Variants in MCPH1 observed in about 807,000 individuals in gnomAD.
MCPH1 encodes microcephalin.
MCPH1 carries 104 observed loss-of-function variants against 84.5 expected under a neutral mutation model. The ratio of observed to expected loss-of-function variants is 1.23; its 90% CI spans 1.05 to 1.45. The LOEUF (loss-of-function observed/expected upper bound fraction) is 1.45, where lower values mean the gene tolerates loss of function less well. MCPH1 is among the 40% of genes most tolerant of loss of function. The probability of loss-of-function intolerance (pLI) is 0.00; values close to 1 mark genes in which losing one functional copy is unlikely to be tolerated. For missense variants in MCPH1, 1,498 were observed against 1,005.7 expected, an observed-to-expected ratio of 1.49 and a Z score of -6.62; for synonymous variants, 514 against 366.8, an observed-to-expected ratio of 1.40 and a Z score of -4.58.
intron 11 of MCPH1, among the ~76,000 whole-genome samples, chr8:6,482,208 G>T (rs959550818): frequency 4.6e-5 from 7 of 152,202 alleles, no homozygotes; most frequent in African/African-American, 1.7e-4. Context: ...GAGCTCCAAG[G>T]TGCTTTCTTT....
At chr8:6,550,164 T>C (rs968200233) in intron 12 of MCPH1, among the ~76,000 whole-genome samples, 1 of 152,232 alleles carries the variant, frequency 6.6e-6, no homozygotes, top group African/African-American at 2.4e-5. Flanking sequence ...CCGCACAACC[T>C]GGAAACCCTC....
chr8:6,490,928 T>C (rs1586080812), intron 11 of MCPH1, among the ~76,000 whole-genome samples: 1 of 125,790 alleles, frequency 7.9e-6, no homozygotes. Flanking sequence ...TTAACAAGCA[T>C]TGTATATATT....
At chr8:6,436,721 G>C (rs1802691331) in intron 5 of MCPH1, among the ~76,000 whole-genome samples, 1 of 151,764 alleles carries the variant, frequency 6.6e-6, no homozygotes, top group Admixed American at 6.6e-5. Context: ...TGTAATCCCA[G>C]CACTTTGGGA....
intron 3 of MCPH1, among the ~76,000 whole-genome samples, chr8:6,427,294 C>T (rs553215758): frequency 1.1e-4 from 17 of 152,294 alleles, no homozygotes; most frequent in Admixed American, 8.5e-4. Flanking sequence ...TACTACTATA[C>T]AGTACTATGG....
chr8:6,537,545 C>CATAT (rs35477464), intron 12 of MCPH1, among the ~76,000 whole-genome samples: 3,027 of 149,000 alleles, frequency 0.02, 43 homozygotes, highest in South Asian at 0.035. Context: ...TTTAATGCAA[C>CATAT]ATATATATAT....
intron 12 of MCPH1, among the ~76,000 whole-genome samples, chr8:6,602,576 C>T (rs991452232): frequency 6.6e-6 from 1 of 152,060 alleles, no homozygotes. Flanking sequence ...TTCCCCAAAG[C>T]GGGGAAGGCT....
rs570602551 is a variant in MCPH1, at chr8:6,521,779, G to A, written c.2214+21850G>A. Among the ~76,000 whole-genome samples the A allele has an allele frequency of 2.0e-5, 3 of 152,280 alleles. No individual in the cohort carries two copies. In the South Asian group the frequency reaches 6.2e-4, roughly 32 times the overall value. ...TGCTCATGAAGTGCTTTTTTGAGAA[G>A]GGAGAGTTTCAACTGGGCTGGACCC... On this transcript the variant is annotated intron_variant, in intron 12 of 13. Transcript: ENST00000344683.
At chr8:6,504,317 CAA>C (rs35379672) in intron 12 of MCPH1, among the ~76,000 whole-genome samples, 9 of 85,898 alleles carry the variant, frequency 1.0e-4, no homozygotes, top group East Asian at 3.1e-4. Context: ...GACTCCAGCT[CAA>C]AAAAAAAAAA....
At chr8:6,598,521 A>G (rs1829099671) in intron 12 of MCPH1, among the ~76,000 whole-genome samples, 1 of 152,196 alleles carries the variant, frequency 6.6e-6, no homozygotes, top group South Asian at 2.1e-4. Flanking sequence ...CCGCAGAGGA[A>G]GGAGTGGGCT....
intron 12 of MCPH1, among the ~76,000 whole-genome samples, chr8:6,523,594 T>C (rs551153156): frequency 6.6e-6 from 1 of 152,258 alleles, no homozygotes; most frequent in Admixed American, 6.5e-5. Context: ...TTTTGTTTTT[T>C]GTTTTGAGAT....
At chr8:6,407,462 A>G (rs1263460275) in intron 1 of MCPH1, among the ~76,000 whole-genome samples, 1 of 152,086 alleles carries the variant, frequency 6.6e-6, no homozygotes, top group African/African-American at 2.4e-5. Context: ...TAACCAGTAT[A>G]TGATACCGCA....
At chr8:6,625,270 A>G in intron 13 of MCPH1, 1 of 985,470 alleles carries the variant, frequency 1.0e-6, no homozygotes, top group East Asian at 1.1e-4. Context: ...TAAAGGAGGA[A>G]ACACAGAGAG....
chr8:6,503,190 T>G (rs779767697), intron 12 of MCPH1: 1 of 1,614,124 alleles, frequency 6.2e-7, no homozygotes, highest in East Asian at 2.2e-5. Context: ...CCGTTGAACT[T>G]ATTTGTGTTC....
At chr8:6,500,664 AT>A (rs1374446886) in intron 12 of MCPH1, 1 of 152,156 alleles carries the variant, frequency 6.6e-6, no homozygotes, top group African/African-American at 2.4e-5. Context: ...TTTTGTTTTC[AT>A]TTTTAAGATT....
At chr8:6,440,314 T>TA (rs1803314045) in intron 6 of MCPH1, among the ~76,000 whole-genome samples, 1 of 152,210 alleles carries the variant, frequency 6.6e-6, no homozygotes, top group Non-Finnish European at 1.5e-5. Flanking sequence ...TTTTTACTGT[T>TA]ATAACCCCTG....
At chr8:6,583,856 TG>T (rs200186663) in intron 12 of MCPH1, among the ~76,000 whole-genome samples, 219 of 149,976 alleles carry the variant, frequency 1.5e-3, no homozygotes, top group Middle Eastern at 0.01. Flanking sequence ...TTTCTTGTTT[TG>T]TTTTTTTTTT....
At chr8:6,488,436 CAA>C (rs1291278738) in intron 11 of MCPH1, among the ~76,000 whole-genome samples, 1 of 152,202 alleles carries the variant, frequency 6.6e-6, no homozygotes, top group Admixed American at 6.5e-5. Context: ...TTGAAAGAGT[CAA>C]AGTGATTTTT....
chr8:6,441,366 G>T (rs535527403), intron 6 of MCPH1, among the ~76,000 whole-genome samples: 4 of 151,126 alleles, frequency 2.6e-5, no homozygotes, highest in African/African-American at 7.2e-5. Flanking sequence ...AAAATTTTAT[G>T]TGTGCTTCCC....
At chr8:6,622,530 A>G (rs1219760508) in intron 13 of MCPH1, among the ~76,000 whole-genome samples, 1 of 152,204 alleles carries the variant, frequency 6.6e-6, no homozygotes, top group Non-Finnish European at 1.5e-5. Context: ...ACCCTCCTCC[A>G]TGGGGTTGTG....
Sources: allele counts gnomAD v4.1 joint callset (sites outside exome capture counted in the v4.1 genomes callset), GRCh38; gene constraint gnomAD v4.1.1; transcripts MANE v1.5; gene names NCBI Gene and HGNC (gene_info 2026-07-23, HGNC 2026-07-21).